The following CDH1 variants were observed in gnomAD, a reference collection of about 807,000 sequenced individuals.
The protein encoded by CDH1 is cadherin 1.
In CDH1, 35 loss-of-function variants were observed where a neutral mutation model predicts 84.5. The ratio of observed to expected loss-of-function variants is 0.41; its 90% CI spans 0.32 to 0.55. The LOEUF is 0.55. Among genes scored for constraint, CDH1 ranks in the 20% least tolerant of loss-of-function variants. CDH1 has a pLI of 0.19. For synonymous variants in CDH1, 417 were observed against 439.0 expected, an observed-to-expected ratio of 0.95 and a Z score of 0.63; for missense variants, 994 against 1,126.6, an observed-to-expected ratio of 0.88 and a Z score of 1.68.
chr16:68,825,803 CTTTTTTTTT>C (rs869187109), intron 13 of CDH1, among the ~76,000 whole-genome samples: 2 of 94,498 alleles, frequency 2.1e-5, no homozygotes, highest in South Asian at 3.6e-4. Context: ...TAAAGGGAAT[CTTTTTTTTT>C]TTTTTTTTTT....
chr16:68,749,214 G>C (rs770853349), intron 2 of CDH1, among the ~76,000 whole-genome samples: 2 of 152,188 alleles, frequency 1.3e-5, no homozygotes, highest in Non-Finnish European at 2.9e-5. Context: ...GCAGCTTCCA[G>C]AATGTTCCTT....
chr16:68,741,315 C>T (rs972428888), intron 2 of CDH1, among the ~76,000 whole-genome samples: 7 of 152,098 alleles, frequency 4.6e-5, no homozygotes, highest in South Asian at 2.1e-4. Flanking sequence ...TAAAATCACA[C>T]GTTCAATCTG....
chr16:68,821,060 A>G (rs1961129554), intron 11 of CDH1, among the ~76,000 whole-genome samples: 1 of 152,144 alleles, frequency 6.6e-6, no homozygotes, highest in Non-Finnish European at 1.5e-5. Context: ...TTTGAGATGG[A>G]TTCTTCTGTT....
intron 2 of CDH1, among the ~76,000 whole-genome samples, chr16:68,769,058 C>T (rs966642637): frequency 1.3e-5 from 2 of 152,086 alleles, no homozygotes; most frequent in Non-Finnish European, 2.9e-5. Context: ...TGCCTTTTTT[C>T]CATGGCACTG....
At chr16:68,806,684 C>T (rs935424901) in intron 3 of CDH1, among the ~76,000 whole-genome samples, 3 of 152,142 alleles carry the variant, frequency 2.0e-5, no homozygotes, top group African/African-American at 4.8e-5. Context: ...ATCCCCATTT[C>T]AGACATTAGG....
intron 2 of CDH1, among the ~76,000 whole-genome samples, chr16:68,788,536 C>T (rs927495655): frequency 6.6e-6 from 1 of 152,086 alleles, no homozygotes; most frequent in Non-Finnish European, 1.5e-5. Flanking sequence ...CAGCTTCTTT[C>T]ACTCGGTGTA....
At chr16:68,802,970 G>A (rs200810809) in intron 3 of CDH1, among the ~76,000 whole-genome samples, 213 of 152,154 alleles carry the variant, frequency 1.4e-3, no homozygotes, top group Non-Finnish European at 2.1e-3. Flanking sequence ...GGCCATGAAT[G>A]GAAGGATGGA....
chr16:68,812,011 T>A, intron 7 of CDH1, 124 bp from the exon 8 acceptor site: 1 of 1,520,336 alleles, frequency 6.6e-7, no homozygotes, highest in Non-Finnish European at 9.1e-7. Context: ...GTTCCGTGCC[T>A]AGAAGACAGG....
Position 68,819,426 on chromosome 16 carries a change from G to T in CDH1, c.1711+1G>T. ...GCCCTAATCATAGCTACAGACAATG[G>T]TAAGGGGGCCTCATCTGAGCCTTTG... On this transcript the variant is annotated splice_donor_variant, in intron 11 of 15. Coordinates refer to ENST00000261769, the MANE Select transcript of CDH1 (RefSeq NM_004360.5). LOFTEE classifies it high-confidence loss of function. 1 of 1,613,230 alleles carries T rather than the reference G, an allele frequency of 6.2e-7. No homozygotes were observed. The highest frequency in any genetic ancestry group is 8.5e-7 in the Non-Finnish European group (1 of 1,179,962).
At chr16:68,741,043 G>T (rs1962550862) in intron 2 of CDH1, among the ~76,000 whole-genome samples, 1 of 151,798 alleles carries the variant, frequency 6.6e-6, no homozygotes, top group Non-Finnish European at 1.5e-5. Context: ...TCCGAGAGGG[G>T]GTGGTGATGA....
At chr16:68,800,077 T>C (rs1960457171) in intron 2 of CDH1, among the ~76,000 whole-genome samples, 1 of 150,354 alleles carries the variant, frequency 6.7e-6, no homozygotes, top group Non-Finnish European at 1.5e-5. Flanking sequence ...CACTGGCTTA[T>C]GCCTGTCATC....
intron 2 of CDH1, among the ~76,000 whole-genome samples, chr16:68,770,651 G>T (rs867959845): frequency 6.6e-6 from 1 of 151,754 alleles, no homozygotes; most frequent in Non-Finnish European, 1.5e-5. Flanking sequence ...GAGTGGATCA[G>T]GCAGGAGGAT....
rs555202424 is a variant in CDH1, at chr16:68,738,964, T to TTTTTTTTTTTTTTAA, written c.163+553_163+554insTTTTTTTTTTTTTAA. On this transcript the variant is annotated intron_variant, in intron 2 of 15. Transcript: ENST00000261769. ...TTTTTTTTTTTTTTTTTTTTTTTTT[T>TTTTTTTTTTTTTTAA]AAAGACAGGGTCTTGCTCTGTTGCC... Among the ~76,000 whole-genome samples the TTTTTTTTTTTTTTAA allele has an allele frequency of 3.1e-5, 2 of 65,364 alleles. 1 individual carries two copies. The highest frequency in any genetic ancestry group is 5.6e-5 in the Non-Finnish European group (2 of 35,546). 42.9% of individuals were successfully genotyped at this position (65,364 alleles called of 152,430 possible). A position where few individuals can be genotyped will look rare whatever the true frequency, so the allele number is the denominator to read the frequency against.
At chr16:68,808,317 C>T (rs867357953) in intron 3 of CDH1, 107 bp from the exon 4 acceptor site, 56 of 1,118,134 alleles carry the variant, frequency 5.0e-5, no homozygotes, top group Non-Finnish European at 6.9e-5. Flanking sequence ...TCAAACTGTA[C>T]ACTGCCCACA....
At chr16:68,767,599 A>G (rs1959428136) in intron 2 of CDH1, among the ~76,000 whole-genome samples, 2 of 152,186 alleles carry the variant, frequency 1.3e-5, no homozygotes, top group African/African-American at 2.4e-5. Flanking sequence ...TTCTTTTTCA[A>G]GACTTCATTA....
chr16:68,786,369 A>G (rs2152122824), intron 2 of CDH1, among the ~76,000 whole-genome samples: 1 of 151,754 alleles, frequency 6.6e-6, no homozygotes, highest in Non-Finnish European at 1.5e-5. Flanking sequence ...ACAGGGTTTC[A>G]CCATGATGGT....
chr16:68,756,040 A>T (rs893308278), intron 2 of CDH1, among the ~76,000 whole-genome samples: 1 of 152,064 alleles, frequency 6.6e-6, no homozygotes, highest in African/African-American at 2.4e-5. Flanking sequence ...CTGGGATTAC[A>T]GGCATGAATG....
intron 3 of CDH1, among the ~76,000 whole-genome samples, chr16:68,803,085 G>A (rs117145788): frequency 2.3e-3 from 346 of 152,188 alleles, no homozygotes; most frequent in Non-Finnish European, 4.2e-3. Flanking sequence ...GTCTCTCTGG[G>A]GGATATTCTG....
chr16:68,779,686 G>A (rs553851712), intron 2 of CDH1, among the ~76,000 whole-genome samples: 6 of 152,216 alleles, frequency 3.9e-5, no homozygotes, highest in African/African-American at 9.6e-5. Flanking sequence ...ATGAAACCTC[G>A]TCTCTACTAA....
Sources: allele counts gnomAD v4.1 joint callset (sites outside exome capture counted in the v4.1 genomes callset), GRCh38; gene constraint gnomAD v4.1.1; transcripts MANE v1.5; gene names NCBI Gene and HGNC (gene_info 2026-07-23, HGNC 2026-07-21).